PPARGC1A: variants seen among roughly 807,000 people sequenced by gnomAD.
PPARGC1A encodes PPARG coactivator 1 alpha, also known as peroxisome proliferator-activated receptor gamma coactivator 1-alpha.
PPARGC1A carries 25 observed loss-of-function variants against 88.7 expected under a neutral mutation model. The ratio of observed to expected loss-of-function variants is 0.28; its 90% CI spans 0.21 to 0.39. The LOEUF is 0.39. PPARGC1A is among the 10% of genes least tolerant of loss of function. The pLI, the probability that PPARGC1A is intolerant of heterozygous loss-of-function variation, is 1.00. For missense variants in PPARGC1A, 880 were observed against 968.7 expected (o/e 0.91, Z 1.22); for synonymous variants, 363 against 355.6 (o/e 1.02, Z -0.24).
the PPARGC1A span, among the ~76,000 whole-genome samples, chr4:24,331,959 G>A: frequency 1.6e-4 from 25 of 151,572 alleles, no homozygotes; most frequent in South Asian, 1.0e-3. Context: ...GACAGGCCCC[G>A]GTGTGTGACG....
the PPARGC1A span, among the ~76,000 whole-genome samples, chr4:24,287,076 C>T: frequency 6.6e-6 from 1 of 152,026 alleles, no homozygotes; most frequent in Admixed American, 6.6e-5. Flanking sequence ...ACCACGGTAC[C>T]ACCGACATTC....
At chr4:24,286,637 T>C in the PPARGC1A span, among the ~76,000 whole-genome samples, 1 of 152,208 alleles carries the variant, frequency 6.6e-6, no homozygotes, top group African/African-American at 2.4e-5. Context: ...TCAGATGCCA[T>C]CGTTGAATCT....
At chr4:24,292,493 C>A in the PPARGC1A span, among the ~76,000 whole-genome samples, 2 of 149,694 alleles carry the variant, frequency 1.3e-5, no homozygotes, top group Admixed American at 1.3e-4. Context: ...TCCTTCCTAA[C>A]CCCTCACCCC....
chr4:24,323,419 C>T, the PPARGC1A span, among the ~76,000 whole-genome samples: 587 of 152,300 alleles, frequency 3.9e-3, 7 homozygotes, highest in African/African-American at 0.013. Flanking sequence ...TGACATTCCA[C>T]CATTGTGATT....
intron 2 of PPARGC1A, among the ~76,000 whole-genome samples, chr4:23,845,602 T>C (rs1440824318): frequency 6.6e-6 from 1 of 152,152 alleles, no homozygotes; most frequent in Non-Finnish European, 1.5e-5. Context: ...GTGCTCCATG[T>C]TAATCCTCTG....
At chr4:23,821,760 T>C (rs1423539744) in intron 7 of PPARGC1A, among the ~76,000 whole-genome samples, 1 of 151,996 alleles carries the variant, frequency 6.6e-6, no homozygotes, top group Non-Finnish European at 1.5e-5. Flanking sequence ...CTTCATATCA[T>C]GCATAAGAAT....
the PPARGC1A span, among the ~76,000 whole-genome samples, chr4:23,993,839 T>G: frequency 6.6e-6 from 1 of 152,086 alleles, no homozygotes; most frequent in Non-Finnish European, 1.5e-5. Flanking sequence ...AACAGCACAG[T>G]AAAGGCACAA....
the PPARGC1A span, among the ~76,000 whole-genome samples, chr4:23,928,770 C>CAAAAAAAAAAAAAAAAAA: frequency 7.3e-6 from 1 of 136,212 alleles, no homozygotes; most frequent in Non-Finnish European, 1.6e-5. Context: ...ACAAAAAAAA[C>CAAAAAAAAAAAAAAAAAA]AAAAAAAAAC....
chr4:24,077,468 T>C, the PPARGC1A span, among the ~76,000 whole-genome samples: 8 of 152,086 alleles, frequency 5.3e-5, no homozygotes, highest in Admixed American at 3.9e-4. Context: ...GTTAAATTTG[T>C]CAATATAATT....
chr4:24,127,828 G>T, the PPARGC1A span, among the ~76,000 whole-genome samples: 1 of 151,914 alleles, frequency 6.6e-6, no homozygotes, highest in African/African-American at 2.4e-5. Flanking sequence ...TTCAATAAAG[G>T]TACCATTATA....
chr4:24,433,821 T>C, the PPARGC1A span, among the ~76,000 whole-genome samples: 971 of 152,304 alleles, frequency 6.4e-3, 5 homozygotes, highest in African/African-American at 0.022. Flanking sequence ...CCGATTTTTA[T>C]TGCTGAAACT....
the PPARGC1A span, among the ~76,000 whole-genome samples, chr4:24,054,709 A>G: frequency 6.6e-6 from 1 of 152,194 alleles, no homozygotes; most frequent in Non-Finnish European, 1.5e-5. Context: ...ATTCTACTTA[A>G]AAACAAGAAG....
chr4:24,295,983 A>G, the PPARGC1A span, among the ~76,000 whole-genome samples: 1 of 97,412 alleles, frequency 1.0e-5, no homozygotes. Flanking sequence ...AAAACTGCCC[A>G]ACTACTATAT....
At chr4:24,233,455 C>T in the PPARGC1A span, among the ~76,000 whole-genome samples, 1 of 152,060 alleles carries the variant, frequency 6.6e-6, no homozygotes, top group Non-Finnish European at 1.5e-5. Context: ...ATTGAAATGG[C>T]AGCCAAACAC....
the PPARGC1A span, among the ~76,000 whole-genome samples, chr4:24,058,864 G>T: frequency 6.6e-6 from 1 of 152,178 alleles, no homozygotes; most frequent in Non-Finnish European, 1.5e-5. Flanking sequence ...AGAATCGCTT[G>T]AACCCAGAAG....
At chr4:23,971,105 C>T in the PPARGC1A span, among the ~76,000 whole-genome samples, 4 of 152,088 alleles carry the variant, frequency 2.6e-5, no homozygotes, top group African/African-American at 9.7e-5. Context: ...CAGGTTAATT[C>T]TGATTAATTA....
At chr4:23,926,759 G>A in the PPARGC1A span, among the ~76,000 whole-genome samples, 2 of 152,160 alleles carry the variant, frequency 1.3e-5, no homozygotes, top group Non-Finnish European at 2.9e-5. Context: ...CTCACTGCCT[G>A]CTTGAGGCCA....
chr4:24,327,197 C>T, the PPARGC1A span, among the ~76,000 whole-genome samples: 644 of 152,286 alleles, frequency 4.2e-3, 13 homozygotes, highest in African/African-American at 0.014. Context: ...CCTGTATAGA[C>T]GCTCCTTTTT....
At chr4:24,228,600 A>G in the PPARGC1A span, among the ~76,000 whole-genome samples, 1 of 152,154 alleles carries the variant, frequency 6.6e-6, no homozygotes, top group African/African-American at 2.4e-5. Flanking sequence ...GCATCAAGCA[A>G]TATTCCCAGG....
Sources: allele counts gnomAD v4.1 joint callset (sites outside exome capture counted in the v4.1 genomes callset), GRCh38; gene constraint gnomAD v4.1.1; transcripts MANE v1.5; gene names NCBI Gene and HGNC (gene_info 2026-07-23, HGNC 2026-07-21).